Variants in RGPD8 observed in about 807,000 individuals in gnomAD.
RGPD8 encodes the protein RANBP2-like and GRIP domain-containing protein 8.
Under a neutral mutation model 89.1 loss-of-function variants are expected in RGPD8, and 15 were observed. The ratio of observed to expected loss-of-function variants is 0.17; its 90% CI spans 0.11 to 0.26. The LOEUF is 0.26. Among genes scored for constraint, RGPD8 ranks in the 10% least tolerant of loss-of-function variants. The probability of loss-of-function intolerance (pLI) is 1.00; values close to 1 mark genes in which losing one functional copy is unlikely to be tolerated. For synonymous variants in RGPD8, 62 were observed against 420.9 expected (o/e 0.15, Z 10.44); for missense variants, 178 against 1,179.6 (o/e 0.15, Z 12.44).
chr2:112,417,035 G>GA (rs1679438704), intron 6 of RGPD8, among the ~76,000 whole-genome samples, 158 bp downstream of exon 6: 1 of 148,776 alleles, frequency 6.7e-6, no homozygotes, highest in African/African-American at 2.6e-5. Flanking sequence ...TGTAAAAGAA[G>GA]AAAAATAAGA....
At chr2:112,371,733 T>G (rs1475145375) in intron 22 of RGPD8, among the ~76,000 whole-genome samples, 1 of 68,168 alleles carries the variant, frequency 1.5e-5, no homozygotes, top group East Asian at 5.3e-4. Flanking sequence ...GCATAGGTTT[T>G]TGTGTGAATA....
chr2:112,373,489 C>G (rs528175771), intron 22 of RGPD8, among the ~76,000 whole-genome samples: 9 of 151,518 alleles, frequency 5.9e-5, no homozygotes, highest in African/African-American at 2.2e-4. Flanking sequence ...GAAAGGAAAA[C>G]TATTCCTCAT....
intron 1 of RGPD8, among the ~76,000 whole-genome samples, chr2:112,429,629 T>C (rs1293448475): frequency 6.6e-6 from 1 of 151,794 alleles, no homozygotes; most frequent in Non-Finnish European, 1.5e-5. Context: ...GCCCAAAAAT[T>C]TGATGAGCAA....
chr2:112,433,132 C>G (rs1396248076), intron 1 of RGPD8, among the ~76,000 whole-genome samples: 2 of 122,278 alleles, frequency 1.6e-5, no homozygotes, highest in Non-Finnish European at 3.7e-5. Flanking sequence ...TCGAGGCCGC[C>G]GCCGGGCCGG....
At chr2:112,373,536 G>T (rs1330433079) in intron 22 of RGPD8, among the ~76,000 whole-genome samples, 1 of 152,186 alleles carries the variant, frequency 6.6e-6, no homozygotes, top group Non-Finnish European at 1.5e-5. Flanking sequence ...TTTATATCTA[G>T]AGCTGATGAT....
rs764712749 is a variant in RGPD8, at chr2:112,433,459, C to T, written c.-6G>A. 6 of 1,607,126 alleles carry T rather than the reference C, an allele frequency of 3.7e-6. No individual in the cohort carries two copies. The Admixed American group carries it at 5.0e-5, about 13-fold the overall frequency. ...TCGGCCTTGCTGCGCCTCATCGCGC[C>T]GCCAACCTGGCTCCCGAGACGCGTG... On this transcript the variant is annotated 5_prime_UTR_variant, in exon 1 of 23. Transcript: ENST00000302558.
At chr2:112,379,420 CTG>C (rs1377746926) in intron 21 of RGPD8, among the ~76,000 whole-genome samples, 1 of 149,376 alleles carries the variant, frequency 6.7e-6, no homozygotes, top group African/African-American at 2.4e-5. Context: ...CATGGTGAAA[CTG>C]TGTCTCTAGT....
At chr2:112,427,652 CTCTTT>C (rs1461909652) in intron 1 of RGPD8, among the ~76,000 whole-genome samples, 1 of 151,772 alleles carries the variant, frequency 6.6e-6, no homozygotes, top group Non-Finnish European at 1.5e-5. Context: ...CTAAATTTCT[CTCTTT>C]TTTTTTTAAT....
At chr2:112,432,665 T>C in intron 1 of RGPD8, 1 of 985,080 alleles carries the variant, frequency 1.0e-6, no homozygotes, top group Non-Finnish European at 1.2e-6. Context: ...AACCCGCCGA[T>C]ACAGCACCCG....
At chr2:112,430,462 G>T (rs1206840450) in intron 1 of RGPD8, among the ~76,000 whole-genome samples, 3 of 150,850 alleles carry the variant, frequency 2.0e-5, no homozygotes, top group Non-Finnish European at 4.4e-5. Flanking sequence ...GGGAAAAAAA[G>T]ACTCTAAGTG....
intron 6 of RGPD8, among the ~76,000 whole-genome samples, chr2:112,415,303 T>G (rs1679347980): frequency 6.6e-6 from 1 of 152,222 alleles, no homozygotes; most frequent in Admixed American, 6.5e-5. Flanking sequence ...AAGAATGGCA[T>G]GAACCTGGGA....
At chr2:112,417,129 T>C in intron 6 of RGPD8, 64 bp downstream of exon 6, 1 of 1,607,808 alleles carries the variant, frequency 6.2e-7, no homozygotes, top group African/African-American at 1.4e-5. Flanking sequence ...TTTAGAGCAA[T>C]GAACTTACTG....
intron 22 of RGPD8, among the ~76,000 whole-genome samples, 199 bp from the exon 23 acceptor site, chr2:112,370,411 C>T (rs1160449965): frequency 2.0e-5 from 2 of 98,120 alleles, no homozygotes; most frequent in Admixed American, 3.4e-4. Context: ...CTTGCTCTGT[C>T]ACCCAGGCTC....
At position 112,422,652 on chromosome 2, in the gene RGPD8, A is replaced by C; in HGVS notation, c.148T>G (p.Cys50Gly). Reference protein sequence around the residue: ...KEYDLAKKYICTYINVQERDP... With the variant: ...KEYDLAKKYIGTYINVQERDP... ...CTCTCTTGCACATTAATGTAAGTAC[A>C]TATGTATCTGTTTTTTAAAAGTAAT... is the stretch of plus-strand genomic sequence containing the variant. The change falls in exon 3 of 23, where the codon TGT becomes GGT. Residue 50 changes from cysteine to glycine, a missense_variant. Cys to Gly is a radical substitution (Grantham distance 159, BLOSUM62 -3). Coordinates refer to ENST00000302558, the MANE Select transcript of RGPD8 (RefSeq NM_001164463.1). 6.4e-7 allele frequency: 1 copy of C among 1,570,948 alleles called. No individual in the cohort carries two copies. The highest frequency in any genetic ancestry group is 8.6e-7 in the Non-Finnish European group (1 of 1,161,368).
Position 112,412,997 on chromosome 2 carries a change from T to A in RGPD8, c.783-371A>T, listed in dbSNP as rs1385820487. Among the ~76,000 whole-genome samples the A allele has an allele frequency of 1.3e-4, 15 of 116,868 alleles. No homozygotes were observed. In the East Asian group the frequency reaches 3.6e-3, roughly 28 times the overall value. The allele number at this position is 116,868 out of a possible 152,430, so 76.7% of individuals were successfully genotyped here. Reference sequence around the variant, plus strand: ...TATAATTTCATTATTTAATTAACAGTTGTAATTTCTCAAATTAGACATACC... The same window carrying A: ...TATAATTTCATTATTTAATTAACAGATGTAATTTCTCAAATTAGACATACC... On this transcript the variant is annotated intron_variant, in intron 6 of 22. Transcript: ENST00000302558.
rs1361117990 is a variant in RGPD8 at position 112,390,190 on chromosome 2, C to T, written c.2755G>A (p.Ala919Thr). 1.3e-6 allele frequency: 2 copies of T among 1,571,890 alleles called. No homozygotes were observed. The highest frequency in any genetic ancestry group is 4.5e-5 in the East Asian group (2 of 44,714). The change falls in exon 20 of 23, where the codon GCT becomes ACT. Residue 919 changes from alanine (A) to threonine (T), a missense_variant. Transcript: ENST00000302558. Reference protein sequence around the residue: ...TKEGFSIPVSADGFKFGISEP... With the variant: ...TKEGFSIPVSTDGFKFGISEP... Reference sequence around the variant, plus strand: ...GAAATGCCAAATTTAAATCCATCAGCAGACACAGGGATGGAAAATCCTTCT... The same window carrying T: ...GAAATGCCAAATTTAAATCCATCAGTAGACACAGGGATGGAAAATCCTTCT...
Position 112,414,732 on chromosome 2 carries a change from C to T in RGPD8, c.783-2106G>A, listed in dbSNP as rs1387118581. Among the ~76,000 whole-genome samples the T allele has an allele frequency of 5.7e-5, 4 of 70,064 alleles. 1 individual carries two copies. The highest frequency in any genetic ancestry group is 5.8e-4 in the South Asian group (1 of 1,738). The allele number at this position is 70,064 out of a possible 152,430, so 46.0% of individuals were successfully genotyped here. ...TAGACGGATCAAGAGGTCAAGAGAC[C>T]GAGACCAGCCGGGCGTGGTGGCTCA... On this transcript the variant is annotated intron_variant, in intron 6 of 22. Transcript: ENST00000302558.
intron 22 of RGPD8, among the ~76,000 whole-genome samples, chr2:112,376,619 T>G (rs1477614496): frequency 4.7e-5 from 7 of 149,872 alleles, no homozygotes; most frequent in Non-Finnish European, 1.0e-4. Context: ...ATTGAGACCA[T>G]CCTGGCCAAC....
At chr2:112,415,991 G>A (rs1442147993) in intron 6 of RGPD8, among the ~76,000 whole-genome samples, 15 of 152,304 alleles carry the variant, frequency 9.8e-5, no homozygotes, top group African/African-American at 3.6e-4. Flanking sequence ...TTGGGAGGCT[G>A]AGGCAGGAGA....
Sources: gnomAD v4.1 joint callset for allele counts (sites outside exome capture counted in the v4.1 genomes callset) on GRCh38, gnomAD v4.1.1 for gene constraint, MANE v1.5 for transcripts, NCBI Gene and HGNC (gene_info 2026-07-23, HGNC 2026-07-21) for gene names.